AHCYL2: variants seen among roughly 807,000 people sequenced by gnomAD.
AHCYL2 encodes the protein S-adenosylhomocysteine hydrolase-like protein 2.
In AHCYL2, 28 loss-of-function variants were observed where a neutral mutation model predicts 81.4. The observed-to-expected ratio is 0.34, with a 90% confidence interval of 0.25 to 0.47. The LOEUF (loss-of-function observed/expected upper bound fraction) is 0.47. Ranked by LOEUF, AHCYL2 falls within the 20% of genes least tolerant of loss-of-function variation. AHCYL2 has a pLI of 1.00. For synonymous variants in AHCYL2, 272 were observed against 290.2 expected, an observed-to-expected ratio of 0.94 and a Z score of 0.64; for missense variants, 551 against 785.1, an observed-to-expected ratio of 0.70 and a Z score of 3.56.
At position 129,426,508 on chromosome 7, in the gene AHCYL2, C is replaced by T; in HGVS notation, c.1774C>T (p.Gln592Ter). 1 of 1,614,094 alleles carries T rather than the reference C, an allele frequency of 6.2e-7. No homozygotes were observed. Among genetic ancestry groups the T allele is most frequent in the Non-Finnish European group, 8.5e-7 (1 of 1,179,976 alleles). ...DAHLTELTDE[Q>*]AKYLGLNKNG... ...CCACTTGACAGAGCTGACAGATGAA[C>T]AGGCCAAGTATCTGGGACTCAACAA... Residue 592 changes from glutamine to a stop codon, truncating the protein, a stop_gained, in exon 16 of 17, where the codon CAG becomes TAG. Transcript: ENST00000325006. LOFTEE classifies it high-confidence loss of function. The surrounding 1 kb of genome is among the most constrained non-coding windows in gnomAD (Gnocchi z 4.3).
intron 2 of AHCYL2, 64 bp from the exon 3 acceptor site, chr7:129,388,992 A>G: frequency 6.3e-7 from 1 of 1,585,192 alleles, no homozygotes; most frequent in Admixed American, 1.9e-5. Flanking sequence ...AGTTTGCTCC[A>G]TGGTTTGGAA....
chr7:129,313,827 G>A (rs1797743990), intron 1 of AHCYL2, among the ~76,000 whole-genome samples: 1 of 152,192 alleles, frequency 6.6e-6, no homozygotes, highest in African/African-American at 2.4e-5. Flanking sequence ...TTCTAAAGTT[G>A]AGATGCCAGT....
chr7:129,383,511 A>G (rs906917110), intron 2 of AHCYL2, among the ~76,000 whole-genome samples: 2 of 152,138 alleles, frequency 1.3e-5, no homozygotes, highest in African/African-American at 2.4e-5. Context: ...CTCAGTTCCA[A>G]CCTTACCCAT....
chr7:129,243,444 A>AT (rs1194913459), intron 1 of AHCYL2, among the ~76,000 whole-genome samples: 1 of 152,134 alleles, frequency 6.6e-6, no homozygotes, highest in African/African-American at 2.4e-5. Flanking sequence ...TATAAAATTG[A>AT]TTTTTTAAAA....
intron 1 of AHCYL2, among the ~76,000 whole-genome samples, chr7:129,263,581 A>C (rs1034386933): frequency 6.6e-6 from 1 of 152,252 alleles, no homozygotes; most frequent in African/African-American, 2.4e-5. Flanking sequence ...AGTTGTAGGC[A>C]GAGAAACGAG....
Position 129,333,673 on chromosome 7 carries a change from G to C in AHCYL2, c.364-45965G>C, listed in dbSNP as rs1798499014. Among the ~76,000 whole-genome samples the C allele has an allele frequency of 2.0e-5, 3 of 152,238 alleles. No individual in the cohort carries two copies. The South Asian group carries it at 6.2e-4, about 32-fold the overall frequency. On this transcript the variant is annotated intron_variant, in intron 1 of 16. Coordinates refer to ENST00000325006, the MANE Select transcript of AHCYL2 (RefSeq NM_015328.4). Reference sequence around the variant, plus strand: ...CTCAGGAAACTTTGGAAGTCAATCAGCATCAGATACACCAATCCTCAGACC... The same window carrying C: ...CTCAGGAAACTTTGGAAGTCAATCACCATCAGATACACCAATCCTCAGACC...
chr7:129,230,163 A>C (rs1584681388), intron 1 of AHCYL2, among the ~76,000 whole-genome samples: 1 of 141,036 alleles, frequency 7.1e-6, no homozygotes, highest in Non-Finnish European at 1.6e-5. Flanking sequence ...GCTCACTGAA[A>C]CCTCCGCCTC....
At chr7:129,409,713 G>A (rs1187776082) in intron 11 of AHCYL2, among the ~76,000 whole-genome samples, 167 bp downstream of exon 11, 1 of 152,134 alleles carries the variant, frequency 6.6e-6, no homozygotes, top group East Asian at 1.9e-4. Flanking sequence ...TTAGAGCTCC[G>A]ACCAAAGGTA....
rs1796289792 is a variant in AHCYL2, at chr7:129,406,027, G to A, written c.1206+128G>A. ...TTAGATGAGAAAAAGAATTTCAGAGGCCTTCTGGTTGAAGTAGACTTTCTT... is the reference window on the plus strand; with the variant it reads ...TTAGATGAGAAAAAGAATTTCAGAGACCTTCTGGTTGAAGTAGACTTTCTT... On this transcript the variant is annotated intron_variant, in intron 9 of 16. Transcript: ENST00000325006. This position sits in a 1 kb window ranked among gnomAD's most constrained non-coding sequence, Gnocchi z 4.3. 2.3e-6 allele frequency: 2 copies of A among 859,906 alleles called. No homozygotes were observed. Among genetic ancestry groups the A allele is most frequent in the Non-Finnish European group, 3.6e-6 (2 of 559,248 alleles). 53.3% of individuals were successfully genotyped at this position (859,906 alleles called of 1,614,324 possible).
chr7:129,349,588 G>T (rs1345357581), intron 1 of AHCYL2, among the ~76,000 whole-genome samples: 1 of 142,356 alleles, frequency 7.0e-6, no homozygotes, highest in Non-Finnish European at 1.5e-5. Context: ...GGAAGCGGAG[G>T]TTGTAGTGAG....
chr7:129,385,897 A>G (rs1304866765), intron 2 of AHCYL2, among the ~76,000 whole-genome samples: 1 of 152,214 alleles, frequency 6.6e-6, no homozygotes, highest in Non-Finnish European at 1.5e-5. Flanking sequence ...AAATTTTCCT[A>G]GGAACAGTCC....
intron 1 of AHCYL2, among the ~76,000 whole-genome samples, chr7:129,360,011 C>T (rs952923222): frequency 6.6e-6 from 1 of 152,038 alleles, no homozygotes; most frequent in African/African-American, 2.4e-5. Flanking sequence ...TTAATTTTTA[C>T]TCATACCCTG....
intron 1 of AHCYL2, among the ~76,000 whole-genome samples, chr7:129,370,582 C>T (rs1293118292): frequency 1.3e-5 from 2 of 152,152 alleles, no homozygotes; most frequent in African/African-American, 4.8e-5. Context: ...CCTATAGTCC[C>T]AGCTACTCTG....
chr7:129,225,041 C>G lies in AHCYL2; in HGVS notation c.-36C>G. The G allele has an allele frequency of 6.4e-7, 1 of 1,564,280 alleles. No individual in the cohort carries two copies. The highest frequency in any genetic ancestry group is 2.0e-4 in the Middle Eastern group (1 of 4,894). On this transcript the variant is annotated 5_prime_UTR_variant, in exon 1 of 17. Transcript: ENST00000325006. Reference sequence around the variant, plus strand: ...AGGCGGGGCCGACCAAGAGCAGGAGCTGGAGTCTGAGCCGGTGGTTGCAGC... The same window carrying G: ...AGGCGGGGCCGACCAAGAGCAGGAGGTGGAGTCTGAGCCGGTGGTTGCAGC...
chr7:129,365,179 A>G (rs971804815), intron 1 of AHCYL2, among the ~76,000 whole-genome samples: 2 of 152,206 alleles, frequency 1.3e-5, no homozygotes, highest in Non-Finnish European at 2.9e-5. Context: ...TGATATAGCC[A>G]AAGAACAATA....
chr7:129,251,317 A>T (rs73721599), intron 1 of AHCYL2, among the ~76,000 whole-genome samples: 8 of 119,500 alleles, frequency 6.7e-5, no homozygotes, highest in Non-Finnish European at 1.0e-4. Flanking sequence ...GATAGTAAAG[A>T]TTTTTTTTTT....
chr7:129,331,090 T>C (rs531595105), intron 1 of AHCYL2, among the ~76,000 whole-genome samples: 1 of 152,318 alleles, frequency 6.6e-6, no homozygotes, highest in East Asian at 1.9e-4. Context: ...AGTTCTGAAT[T>C]GATGGGTTTT....
chr7:129,298,632 G>A (rs1797135971), intron 1 of AHCYL2, among the ~76,000 whole-genome samples: 1 of 152,090 alleles, frequency 6.6e-6, no homozygotes, highest in Admixed American at 6.5e-5. Context: ...CTTTGCTTGG[G>A]GGATAATGGA....
intron 1 of AHCYL2, among the ~76,000 whole-genome samples, chr7:129,284,594 C>T (rs374348820): frequency 3.0e-5 from 4 of 133,614 alleles, no homozygotes; most frequent in South Asian, 2.3e-4. Context: ...GTTGAGACTT[C>T]GTCTCAAAAA....
Sources: gnomAD v4.1 joint callset for allele counts (sites outside exome capture counted in the v4.1 genomes callset) on GRCh38, gnomAD v4.1.1 for gene constraint, Gnocchi (gnomAD v3.1) non-coding constraint, MANE v1.5 for transcripts, NCBI Gene and HGNC (gene_info 2026-07-23, HGNC 2026-07-21) for gene names.